The following CNTNAP4 variants were observed in gnomAD, a reference collection of about 807,000 sequenced individuals.
The protein encoded by CNTNAP4 is contactin-associated protein-like 4.
CNTNAP4 carries 98 observed loss-of-function variants against 148.4 expected under a neutral mutation model. The observed-to-expected ratio is 0.66, with a 90% CI of 0.56 to 0.78. The LOEUF (loss-of-function observed/expected upper bound fraction) is 0.78, where lower values mean the gene tolerates loss of function less well. Among genes scored for constraint, CNTNAP4 ranks in the 30% least tolerant of loss-of-function variants. CNTNAP4 has a pLI of 0.00. For missense variants in CNTNAP4, 1,935 were observed against 1,565.6 expected (o/e 1.24, Z -3.98); for synonymous variants, 730 against 565.1 (o/e 1.29, Z -4.14).
chr16:76,334,317 T>C (rs1443242758), intron 2 of CNTNAP4, among the ~76,000 whole-genome samples: 2 of 152,000 alleles, frequency 1.3e-5, no homozygotes, highest in Non-Finnish European at 2.9e-5. Context: ...AAAGCCAAAA[T>C]GAAACAAAAG....
intron 4 of CNTNAP4, among the ~76,000 whole-genome samples, chr16:76,434,134 AATAT>A (rs998106846): frequency 1.8e-4 from 27 of 148,958 alleles, no homozygotes; most frequent in Non-Finnish European, 1.2e-4. Flanking sequence ...TATATTTATA[AATAT>A]ATATACTAGA....
intron 3 of CNTNAP4, among the ~76,000 whole-genome samples, chr16:76,379,106 G>T (rs878912076): frequency 1.3e-5 from 2 of 152,190 alleles, no homozygotes; most frequent in Admixed American, 6.5e-5. Context: ...CTCATGGGAT[G>T]CCTTTTGCTC....
intron 1 of CNTNAP4, among the ~76,000 whole-genome samples, chr16:76,283,256 A>T (rs1410289041): frequency 6.6e-6 from 1 of 151,994 alleles, no homozygotes; most frequent in East Asian, 1.9e-4. Context: ...ATTAAACAAT[A>T]TTGAGGCCTT....
intron 9 of CNTNAP4, among the ~76,000 whole-genome samples, 197 bp from the exon 10 acceptor site, chr16:76,467,155 C>G (rs780520940): frequency 1.3e-5 from 2 of 152,062 alleles, no homozygotes; most frequent in Non-Finnish European, 2.9e-5. Context: ...CCTGGGAATG[C>G]TATGTAAATA....
In CNTNAP4 at chr16:76,553,281, A is replaced by G; in HGVS notation, c.3443-2A>G. ...TATTTCGGTGTTTCTTTGAATTTCT[A>G]GAACACAGTGATGTGGACCAGGATA... On this transcript the variant is annotated splice_acceptor_variant, in intron 21 of 23. Transcript: ENST00000611870. LOFTEE classifies it high-confidence loss of function. 2 of 1,573,568 alleles carry G rather than the reference A, an allele frequency of 1.3e-6. No homozygotes were observed. The highest frequency in any genetic ancestry group is 1.1e-5 in the South Asian group (1 of 88,780).
At chr16:76,325,598 A>G (rs1284128857) in intron 2 of CNTNAP4, among the ~76,000 whole-genome samples, 2 of 152,194 alleles carry the variant, frequency 1.3e-5, no homozygotes, top group African/African-American at 2.4e-5. Context: ...TGATAAGAAA[A>G]TACTGCAAAT....
At chr16:76,473,868 T>TG (rs1568318087) in intron 10 of CNTNAP4, among the ~76,000 whole-genome samples, 4 of 93,794 alleles carry the variant, frequency 4.3e-5, no homozygotes, top group South Asian at 6.1e-4. Flanking sequence ...TTTGTTTTGT[T>TG]TTGTTTTTTA....
At chr16:76,424,107 C>T (rs970592504) in intron 3 of CNTNAP4, among the ~76,000 whole-genome samples, 41 of 152,010 alleles carry the variant, frequency 2.7e-4, no homozygotes, top group African/African-American at 9.9e-4. Flanking sequence ...TATATTTATT[C>T]TTAACGTTTT....
chr16:76,288,366 T>A (rs886853766), intron 1 of CNTNAP4, among the ~76,000 whole-genome samples: 2 of 152,192 alleles, frequency 1.3e-5, no homozygotes, highest in African/African-American at 4.8e-5. Context: ...AGCAAACTAA[T>A]ACACTGCTTT....
chr16:76,368,219 A>T (rs1380111794), intron 3 of CNTNAP4, among the ~76,000 whole-genome samples: 1 of 152,210 alleles, frequency 6.6e-6, no homozygotes, highest in African/African-American at 2.4e-5. Context: ...AAAGAGTAGG[A>T]AAAAAGCTAC....
intron 2 of CNTNAP4, among the ~76,000 whole-genome samples, chr16:76,340,581 C>A (rs962664587): frequency 6.6e-6 from 1 of 152,124 alleles, no homozygotes; most frequent in Non-Finnish European, 1.5e-5. Context: ...CCAAGTCCTG[C>A]CAATTCTACC....
At chr16:76,428,145 A>T (rs2079477496) in intron 4 of CNTNAP4, among the ~76,000 whole-genome samples, 1 of 152,236 alleles carries the variant, frequency 6.6e-6, no homozygotes, top group African/African-American at 2.4e-5. Flanking sequence ...CACATAAAAA[A>T]GATAGAAACC....
intron 3 of CNTNAP4, among the ~76,000 whole-genome samples, chr16:76,394,916 C>T (rs1477262341): frequency 6.6e-6 from 1 of 152,262 alleles, no homozygotes; most frequent in Non-Finnish European, 1.5e-5. Flanking sequence ...GTCCTGTTTA[C>T]TTAGGGCTCT....
chr16:76,361,437 G>T (rs142825656), intron 3 of CNTNAP4, among the ~76,000 whole-genome samples: 1 of 152,066 alleles, frequency 6.6e-6, no homozygotes, highest in African/African-American at 2.4e-5. Flanking sequence ...TTCACTTAGC[G>T]TTATGTCGTC....
chr16:76,511,540 G>T (rs1319376519), intron 15 of CNTNAP4, among the ~76,000 whole-genome samples: 2 of 152,014 alleles, frequency 1.3e-5, no homozygotes, highest in African/African-American at 2.4e-5. Context: ...AAAAAGTGAG[G>T]ATCAATTCCA....
chr16:76,303,921 C>G (rs1960231908), intron 1 of CNTNAP4, among the ~76,000 whole-genome samples: 2 of 152,056 alleles, frequency 1.3e-5, no homozygotes, highest in African/African-American at 2.4e-5. Context: ...GCTGATTTCT[C>G]TCTTTCTCTT....
intron 3 of CNTNAP4, among the ~76,000 whole-genome samples, chr16:76,401,812 G>A (rs2078427661): frequency 1.3e-5 from 2 of 152,148 alleles, no homozygotes; most frequent in Middle Eastern, 6.8e-3. Flanking sequence ...TGTGATTTTT[G>A]TCTTTAGTTC....
rs185933149 is a variant in CNTNAP4 at position 76,375,466 on chromosome 16, A to G, written c.390+19955A>G. Among the ~76,000 whole-genome samples the G allele has an allele frequency of 2.9e-4, 44 of 152,272 alleles. No individual in the cohort carries two copies. The East Asian group carries it at 7.7e-3, about 27-fold the overall frequency. On this transcript the variant is annotated intron_variant, in intron 3 of 23. Coordinates refer to ENST00000611870, the MANE Select transcript of CNTNAP4 (RefSeq NM_033401.5). ...AAATATATTTATTCTATCTCGTCCT[A>G]CTTTGAATATTGCATAGGGCTTTGC...
chr16:76,368,290 C>T (rs2014393442), intron 3 of CNTNAP4, among the ~76,000 whole-genome samples: 1 of 152,152 alleles, frequency 6.6e-6, no homozygotes, highest in African/African-American at 2.4e-5. Context: ...ATATCCAAAT[C>T]TCTGCTTTTA....
Sources: allele counts gnomAD v4.1 joint callset (sites outside exome capture counted in the v4.1 genomes callset), GRCh38; gene constraint gnomAD v4.1.1; transcripts MANE v1.5; gene names NCBI Gene and HGNC (gene_info 2026-07-23, HGNC 2026-07-21).